PCSK6: variants seen among roughly 807,000 people sequenced by gnomAD.
PCSK6 encodes the protein paired basic amino acid cleaving enzyme 4.
PCSK6 carries 85 observed loss-of-function variants against 123.3 expected under a neutral mutation model. The observed-to-expected ratio is 0.69, with a 90% confidence interval of 0.58 to 0.83. The LOEUF (loss-of-function observed/expected upper bound fraction) is 0.83, where lower values mean the gene tolerates loss of function less well. Ranked by LOEUF, PCSK6 falls within the 40% of genes least tolerant of loss-of-function variation. The probability of loss-of-function intolerance (pLI) is 0.00; values close to 1 mark genes in which losing one functional copy is unlikely to be tolerated. For missense variants in PCSK6, 1,191 were observed against 1,282.3 expected, an observed-to-expected ratio of 0.93 and a Z score of 1.09; for synonymous variants, 508 against 516.0, an observed-to-expected ratio of 0.98 and a Z score of 0.21.
rs183907583 is a variant in PCSK6, at chr15:101,422,336, G to A, written c.823+5556C>T. On this transcript the variant is annotated intron_variant, in intron 6 of 21. Transcript: ENST00000611716. ...GGCAACCCACTAAGAAGTCCAGTAG[G>A]AAAACAGCAGCTGAGAGGCTGGAGG... is the stretch of plus-strand genomic sequence containing the variant. Among the ~76,000 whole-genome samples the A allele has an allele frequency of 9.0e-4, 137 of 152,356 alleles. 1 individual carries two copies. The highest frequency in any genetic ancestry group is 3.1e-3 in the African/African-American group (128 of 41,596).
intron 1 of PCSK6, among the ~76,000 whole-genome samples, chr15:101,454,683 G>T (rs1284938903): frequency 6.6e-6 from 1 of 152,158 alleles, no homozygotes; most frequent in African/African-American, 2.4e-5. Context: ...GCTTCTGCCT[G>T]TAATTCCAGC....
chr15:101,403,570 A>G (rs2042674957), intron 6 of PCSK6, among the ~76,000 whole-genome samples: 1 of 152,144 alleles, frequency 6.6e-6, no homozygotes, highest in Non-Finnish European at 1.5e-5. Flanking sequence ...TAATAAAAAA[A>G]CGGATACCCA....
intron 2 of PCSK6, among the ~76,000 whole-genome samples, chr15:101,432,516 C>T (rs2056480421): frequency 2.0e-5 from 3 of 151,142 alleles, no homozygotes; most frequent in South Asian, 2.1e-4. Flanking sequence ...GTAGTCCCAG[C>T]TCCTCAGGAG....
At chr15:101,457,065 TG>T (rs2057204050) in intron 1 of PCSK6, among the ~76,000 whole-genome samples, 1 of 151,988 alleles carries the variant, frequency 6.6e-6, no homozygotes, top group Non-Finnish European at 1.5e-5. Context: ...CCCAGCTACT[TG>T]GGAGGCTGAG....
chr15:101,421,129 T>C (rs1392647639), intron 6 of PCSK6, among the ~76,000 whole-genome samples: 1 of 152,150 alleles, frequency 6.6e-6, no homozygotes, highest in African/African-American at 2.4e-5. Flanking sequence ...ATATTTTTAG[T>C]AGAGACAGGG....
In PCSK6 at chr15:101,379,954, T is replaced by A. The variant is rs183586181; in HGVS notation, c.1532+2138A>T. Among the ~76,000 whole-genome samples, 381 of 152,292 alleles carry A rather than the reference T, an allele frequency of 2.5e-3. 2 individuals are homozygous for A. Among genetic ancestry groups the A allele is most frequent in the African/African-American group, 8.9e-3 (369 of 41,570 alleles). On this transcript the variant is annotated intron_variant, in intron 11 of 21. Coordinates refer to ENST00000611716, the MANE Select transcript of PCSK6 (RefSeq NM_002570.5). ...ACACCCCTCTCTCTGGAGGCCCGTATGTCCTCTGCAACAACCACGTTACAG... is the reference window on the plus strand; with the variant it reads ...ACACCCCTCTCTCTGGAGGCCCGTAAGTCCTCTGCAACAACCACGTTACAG...
intron 13 of PCSK6, chr15:101,365,959 G>C: frequency 2.7e-6 from 1 of 368,120 alleles, no homozygotes; most frequent in Non-Finnish European, 4.8e-6. Context: ...CTTTTTGTGG[G>C]GATGAAAACA....
chr15:101,457,380 T>C (rs1237981165), intron 1 of PCSK6, among the ~76,000 whole-genome samples: 2 of 152,124 alleles, frequency 1.3e-5, no homozygotes, highest in Non-Finnish European at 2.9e-5. Context: ...CCAAGGTTTC[T>C]AGGGGGATAA....
intron 1 of PCSK6, among the ~76,000 whole-genome samples, chr15:101,465,255 G>A (rs1456108015): frequency 2.0e-5 from 3 of 152,212 alleles, no homozygotes; most frequent in Non-Finnish European, 2.9e-5. Flanking sequence ...GCTGTGTGCT[G>A]GGGACAGGGA....
intron 7 of PCSK6, 53 bp from the exon 8 acceptor site, chr15:101,393,477 G>C: frequency 6.9e-7 from 1 of 1,457,116 alleles, no homozygotes. Context: ...CTCGTAGGGT[G>C]GGTCTCCCCC....
In PCSK6 at chr15:101,364,944, A is replaced by G. The variant is rs1376706024; in HGVS notation, c.1858+1252T>C. On this transcript the variant is annotated intron_variant, in intron 13 of 21. Transcript: ENST00000611716. ...CAGTGATCAAAACAATATGGTACTG[A>G]CTCCAAGATAGATATACAGACCAAT... 3.9e-6 allele frequency: 3 copies of G among 765,384 alleles called. No homozygotes were observed. The South Asian group carries it at 4.1e-5, about 11-fold the overall frequency. The allele number at this position is 765,384 out of a possible 1,614,324, so 47.4% of individuals were successfully genotyped here. A position where few individuals can be genotyped will look rare whatever the true frequency, so the allele number is the denominator to read the frequency against.
intron 5 of PCSK6, among the ~76,000 whole-genome samples, chr15:101,428,722 G>T (rs2056344286): frequency 6.6e-6 from 1 of 152,208 alleles, no homozygotes; most frequent in South Asian, 2.1e-4. Flanking sequence ...GGGAATCATT[G>T]ATTCAAATTT....
intron 1 of PCSK6, among the ~76,000 whole-genome samples, chr15:101,474,977 C>CGATCCAT (rs1292488630): frequency 2.6e-5 from 4 of 152,166 alleles, no homozygotes; most frequent in Non-Finnish European, 4.4e-5. Context: ...AAAGCACTCA[C>CGATCCAT]GATCCATCTG....
intron 17 of PCSK6, among the ~76,000 whole-genome samples, chr15:101,323,558 C>T (rs933496573): frequency 6.6e-5 from 10 of 152,242 alleles, no homozygotes; most frequent in Non-Finnish European, 1.5e-5. Context: ...TGGTGAAACC[C>T]CATCTCTACT....
Position 101,432,105 on chromosome 15 carries a change from C to G in PCSK6, c.403-5G>C. 1 of 1,608,556 alleles carries G rather than the reference C, an allele frequency of 6.2e-7. No homozygotes were observed. Among genetic ancestry groups the G allele is most frequent in the Non-Finnish European group, 8.5e-7 (1 of 1,175,954 alleles). On this transcript the variant is annotated splice_region_variant and splice_polypyrimidine_tract_variant and intron_variant, in intron 2 of 21. Transcript: ENST00000611716. ...CTGTTGCTGGAGCCATTTCACCTAC[C>G]AGAAGAAATGCAATTACTGTTTATA...
chr15:101,427,752 G>A (rs2056305524), intron 6 of PCSK6, 140 bp downstream of exon 6: 2 of 624,326 alleles, frequency 3.2e-6, no homozygotes, highest in Non-Finnish European at 5.7e-6. Context: ...GATACAGACG[G>A]CACTGCTGCG....
Position 101,324,963 on chromosome 15 carries a change from G to A in PCSK6, c.2264C>T (p.Thr755Ile), listed in dbSNP as rs761144518. Reference sequence around the variant, plus strand: ...CTGCGTCGCAGCTCTGCTGGAGCAGGTCTCACACCCCTTGTGGCACCGGCG... The same window carrying A: ...CTGCGTCGCAGCTCTGCTGGAGCAGATCTCACACCCCTTGTGGCACCGGCG... ...RCRRCHKGCE[T>I]CSSRAATQCL... The change falls in exon 17 of 22, where the codon ACC becomes ATC. Residue 755 changes from threonine to isoleucine, a missense_variant. Coordinates refer to ENST00000611716, the MANE Select transcript of PCSK6 (RefSeq NM_002570.5). 8.1e-6 allele frequency: 13 copies of A among 1,613,160 alleles called. No individual in the cohort carries two copies. In the East Asian group the frequency reaches 2.5e-4, roughly 30 times the overall value.
At position 101,440,477 on chromosome 15, in the gene PCSK6, A is replaced by G. The variant is rs368608324; in HGVS notation, c.402+3079T>C. Among the ~76,000 whole-genome samples the G allele has an allele frequency of 6.4e-3, 970 of 152,310 alleles. 14 individuals are homozygous for G. Among genetic ancestry groups the G allele is most frequent in the Non-Finnish European group, 7.5e-3 (509 of 68,026 alleles). On this transcript the variant is annotated intron_variant, in intron 2 of 21. Transcript: ENST00000611716. The stretch of plus-strand genomic sequence containing the variant: ...CCAAATGTACATTCTATCTGCTTTT[A>G]TGTGACATGGGGTGGACTGTACATT...
chr15:101,477,891 C>T (rs976086100), intron 1 of PCSK6, among the ~76,000 whole-genome samples: 4 of 152,202 alleles, frequency 2.6e-5, no homozygotes, highest in African/African-American at 7.2e-5. Flanking sequence ...AAGAATGTTG[C>T]CTTCATTCCT....
Sources: gnomAD v4.1 joint callset for allele counts (sites outside exome capture counted in the v4.1 genomes callset) on GRCh38, gnomAD v4.1.1 for gene constraint, MANE v1.5 for transcripts, NCBI Gene and HGNC (gene_info 2026-07-23, HGNC 2026-07-21) for gene names.